DHX9: variants seen among roughly 807,000 people sequenced by gnomAD.
DHX9 encodes DExH-box helicase 9, also known as ATP-dependent RNA helicase A.
DHX9 carries 27 observed loss-of-function variants against 148.7 expected under a neutral mutation model. That is an observed-to-expected ratio of 0.18 (90% CI 0.13 to 0.25). The LOEUF is 0.25. Among genes scored for constraint, DHX9 ranks in the 10% least tolerant of loss-of-function variants. DHX9 has a pLI of 1.00. For synonymous variants in DHX9, 529 were observed against 516.6 expected, an observed-to-expected ratio of 1.02 and a Z score of -0.33; for missense variants, 796 against 1,559.6, an observed-to-expected ratio of 0.51 and a Z score of 8.25.
At chr1:182,849,105 C>T (rs1212372413) in intron 3 of DHX9, among the ~76,000 whole-genome samples, 1 of 152,228 alleles carries the variant, frequency 6.6e-6, no homozygotes, top group African/African-American at 2.4e-5. Flanking sequence ...CTTACCTCCT[C>T]ATTCTAGGGA....
intron 24 of DHX9, 62 bp downstream of exon 24, chr1:182,881,709 G>A: frequency 6.7e-7 from 1 of 1,493,312 alleles, no homozygotes; most frequent in East Asian, 2.3e-5. Flanking sequence ...CATGCAAATT[G>A]ACAGCAAAGT....
At chr1:182,859,208 T>C in intron 11 of DHX9, 91 bp downstream of exon 11, 5 of 1,131,550 alleles carry the variant, frequency 4.4e-6, no homozygotes, top group Non-Finnish European at 6.6e-6. Flanking sequence ...ATTTTGCCCT[T>C]TTAAGGAGGG....
At chr1:182,846,345 T>A (rs185678857) in intron 3 of DHX9, among the ~76,000 whole-genome samples, 118 of 152,072 alleles carry the variant, frequency 7.8e-4, no homozygotes, top group African/African-American at 2.7e-3. Flanking sequence ...CAAGCGATTC[T>A]CCTGCCTCAG....
At chr1:182,862,828 T>C (rs1213435243) in intron 12 of DHX9, among the ~76,000 whole-genome samples, 1 of 152,136 alleles carries the variant, frequency 6.6e-6, no homozygotes, top group African/African-American at 2.4e-5. Flanking sequence ...TTGGGAGAGA[T>C]CTCCAACCTC....
intron 3 of DHX9, among the ~76,000 whole-genome samples, chr1:182,846,509 C>T (rs1445617946): frequency 6.6e-6 from 1 of 152,250 alleles, no homozygotes; most frequent in Non-Finnish European, 1.5e-5. Context: ...GCTGGGATTA[C>T]AGGCGTGAGC....
At chr1:182,860,346 C>G (rs1209242042) in intron 12 of DHX9, 162 bp downstream of exon 12, 3 of 566,390 alleles carry the variant, frequency 5.3e-6, no homozygotes, top group Non-Finnish European at 8.7e-6. Flanking sequence ...TTTTTCTAAT[C>G]TCTAGTATGC....
intron 3 of DHX9, among the ~76,000 whole-genome samples, chr1:182,851,939 C>T (rs977488382): frequency 6.6e-6 from 1 of 152,074 alleles, no homozygotes; most frequent in Non-Finnish European, 1.5e-5. Context: ...AAATGAGCCC[C>T]AGAGCAGTGT....
In DHX9 at chr1:182,887,380, G is replaced by C; in HGVS notation, c.3759G>C (p.Arg1253Ser). The C allele has an allele frequency of 1.2e-6, 2 of 1,614,018 alleles. No individual in the cohort carries two copies. Among genetic ancestry groups the C allele is most frequent in the South Asian group, 1.1e-5 (1 of 91,072 alleles). Residue 1253 changes from arginine (R) to serine (S), a missense_variant, in exon 28 of 28, where the codon AGG becomes AGC. By Grantham distance (110) the Arg-to-Ser change is moderately radical (BLOSUM62 -1). Coordinates refer to ENST00000367549, the MANE Select transcript of DHX9 (RefSeq NM_001357.5). ...GGGGATTCCAGCGAGGAGGTGGTAG[G>C]GGGGCCTATGGAACTGGCTACTTTG... ...GSGGFQRGGGRGAYGTGYFGQ... is the reference protein window; with the variant it reads ...GSGGFQRGGGSGAYGTGYFGQ...
chr1:182,870,386 C>T (rs1397629160), intron 14 of DHX9, among the ~76,000 whole-genome samples: 1 of 152,170 alleles, frequency 6.6e-6, no homozygotes, highest in Admixed American at 6.6e-5. Flanking sequence ...AATAGAGAAT[C>T]TTGGTTTACA....
At position 182,858,780 on chromosome 1, in the gene DHX9, T is replaced by G; in HGVS notation, c.948T>G (p.Ala316=). The change falls in exon 10 of 28, where the codon GCT becomes GCG. Residue 316 remains alanine (A), a synonymous_variant. Coordinates refer to ENST00000367549, the MANE Select transcript of DHX9 (RefSeq NM_001357.5). ...VPVALNIGKL[A]QFEPSQRQNQ... is the part of the protein sequence containing the mutation. ...TTGCACTCAACATTGGCAAATTGGCTCAGTTCGAACCATCTCAGCGACAAA... is the reference window on the plus strand; with the variant it reads ...TTGCACTCAACATTGGCAAATTGGCGCAGTTCGAACCATCTCAGCGACAAA... 1 of 1,614,182 alleles carries G rather than the reference T, an allele frequency of 6.2e-7. No homozygotes were observed. The highest frequency in any genetic ancestry group is 8.5e-7 in the Non-Finnish European group (1 of 1,180,028).
chr1:182,850,478 C>G (rs1464819026), intron 3 of DHX9, among the ~76,000 whole-genome samples: 1 of 151,528 alleles, frequency 6.6e-6, no homozygotes, highest in Non-Finnish European at 1.5e-5. Flanking sequence ...GCCCGTAGTC[C>G]CATCTACTCG....
At chr1:182,848,631 C>G (rs1051689420) in intron 3 of DHX9, among the ~76,000 whole-genome samples, 1 of 152,100 alleles carries the variant, frequency 6.6e-6, no homozygotes, top group Non-Finnish European at 1.5e-5. Context: ...TTATAACAAC[C>G]CATTTCTACT....
chr1:182,843,211 C>T (rs967849469), intron 2 of DHX9, 83 bp from the exon 3 acceptor site: 53 of 1,109,814 alleles, frequency 4.8e-5, no homozygotes, highest in Non-Finnish European at 5.9e-5. Flanking sequence ...TTTGTTGTCT[C>T]TTAATGGACT....
chr1:182,852,406 C>A (rs1375342109), intron 4 of DHX9, 62 bp downstream of exon 4: 9 of 1,191,152 alleles, frequency 7.6e-6, no homozygotes, highest in Non-Finnish European at 3.5e-6. Flanking sequence ...TGATCACCAT[C>A]TCTGTTTCTC....
chr1:182,868,740 C>T (rs1244755250), intron 14 of DHX9, among the ~76,000 whole-genome samples: 1 of 152,048 alleles, frequency 6.6e-6, no homozygotes, highest in Non-Finnish European at 1.5e-5. Flanking sequence ...TGGTCTCAAA[C>T]TCCTAACTTC....
At chr1:182,885,767 C>T (rs1649290753) in intron 27 of DHX9, among the ~76,000 whole-genome samples, 1 of 152,148 alleles carries the variant, frequency 6.6e-6, no homozygotes, top group Non-Finnish European at 1.5e-5. Context: ...CAACATGGCT[C>T]CTGAAACAGT....
chr1:182,850,471 C>T (rs1244996003), intron 3 of DHX9, among the ~76,000 whole-genome samples: 4 of 151,708 alleles, frequency 2.6e-5, no homozygotes, highest in Admixed American at 6.6e-5. Context: ...GGTGGCTGCC[C>T]GTAGTCCCAT....
At position 182,887,229 on chromosome 1, in the gene DHX9, C is replaced by T; in HGVS notation, c.3608C>T (p.Ala1203Val). 6.2e-7 allele frequency: 1 copy of T among 1,614,110 alleles called. No individual in the cohort carries two copies. Among genetic ancestry groups the T allele is most frequent in the South Asian group, 1.1e-5 (1 of 91,078 alleles). ...GGTAGCGGAGGCTATGGTGGCAGCG[C>T]CAACTCCTTTCGGGCAGGATATGGT... ...GYGSGGYGGS[A>V]NSFRAGYGAG... The change falls in exon 28 of 28, where the codon GCC (alanine) becomes GTC (valine). Residue 1203 changes from alanine (A) to valine (V), a missense_variant. This residue lies in a region of DHX9 where 98 missense variants were observed against 105.5 expected (regional missense o/e 0.93). Coordinates refer to ENST00000367549, the MANE Select transcript of DHX9 (RefSeq NM_001357.5).
chr1:182,867,483 A>G (rs951293218), intron 14 of DHX9, among the ~76,000 whole-genome samples: 3 of 152,036 alleles, frequency 2.0e-5, no homozygotes, highest in African/African-American at 7.2e-5. Context: ...GCTCACAGCA[A>G]CCTCCGCCTC....
Sources: allele counts gnomAD v4.1 joint callset (sites outside exome capture counted in the v4.1 genomes callset), GRCh38; gene constraint gnomAD v4.1.1; regional missense constraint gnomAD v4.1.1; transcripts MANE v1.5; gene names NCBI Gene and HGNC (gene_info 2026-07-23, HGNC 2026-07-21).